Variants in KCNMB4 observed in about 807,000 individuals in gnomAD.
KCNMB4 encodes calcium-activated potassium channel subunit beta-4.
In KCNMB4, 3 loss-of-function variants were observed where a neutral mutation model predicts 20.7. The observed-to-expected ratio is 0.14, with a 90% CI of 0.07 to 0.37. The LOEUF (loss-of-function observed/expected upper bound fraction) is 0.37, where lower values mean the gene tolerates loss of function less well. Ranked by LOEUF, KCNMB4 falls within the 10% of genes least tolerant of loss-of-function variation. The probability of loss-of-function intolerance (pLI) is 1.00; values close to 1 mark genes in which losing one functional copy is unlikely to be tolerated. For synonymous variants in KCNMB4, 110 were observed against 113.4 expected, an observed-to-expected ratio of 0.97 and a Z score of 0.19; for missense variants, 168 against 265.9, an observed-to-expected ratio of 0.63 and a Z score of 2.56.
intron 2 of KCNMB4, among the ~76,000 whole-genome samples, chr12:70,422,386 T>C (rs866576530): frequency 6.6e-6 from 1 of 152,230 alleles, no homozygotes; most frequent in Non-Finnish European, 1.5e-5. Flanking sequence ...CCTGCACTTC[T>C]GATGAAATCA....
At chr12:70,382,411 C>T (rs1243083945) in intron 1 of KCNMB4, among the ~76,000 whole-genome samples, 4 of 116,468 alleles carry the variant, frequency 3.4e-5, no homozygotes, top group South Asian at 2.7e-4. Flanking sequence ...CCCGCCTGGG[C>T]GACAGAACGA....
At chr12:70,418,438 T>G (rs1007245493) in intron 2 of KCNMB4, among the ~76,000 whole-genome samples, 3 of 152,210 alleles carry the variant, frequency 2.0e-5, no homozygotes, top group Non-Finnish European at 4.4e-5. Flanking sequence ...GTCACTATGC[T>G]TGGTGTAGCC....
chr12:70,382,004 T>C (rs951817083), intron 1 of KCNMB4, among the ~76,000 whole-genome samples: 2 of 152,224 alleles, frequency 1.3e-5, no homozygotes, highest in African/African-American at 4.8e-5. Flanking sequence ...CTGCCTATTA[T>C]TTTTTGGAAA....
intron 1 of KCNMB4, among the ~76,000 whole-genome samples, chr12:70,383,593 T>C (rs150010638): frequency 0.011 from 1,619 of 152,282 alleles, 25 homozygotes; most frequent in South Asian, 0.049. Flanking sequence ...ATCAAACAGG[T>C]CCATGCTCCC....
At chr12:70,427,643 C>T (rs1388213460) in intron 2 of KCNMB4, among the ~76,000 whole-genome samples, 1 of 152,114 alleles carries the variant, frequency 6.6e-6, no homozygotes, top group Non-Finnish European at 1.5e-5. Flanking sequence ...GGTGGAATGC[C>T]AAGAAGTTTC....
intron 2 of KCNMB4, among the ~76,000 whole-genome samples, chr12:70,413,742 G>GT (rs1868844173): frequency 6.6e-6 from 1 of 152,156 alleles, no homozygotes; most frequent in Non-Finnish European, 1.5e-5. Flanking sequence ...AACGACTCTT[G>GT]TGACAGTGGA....
intron 2 of KCNMB4, among the ~76,000 whole-genome samples, chr12:70,415,468 G>A (rs1868890544): frequency 6.6e-6 from 1 of 152,198 alleles, no homozygotes; most frequent in Admixed American, 6.5e-5. Context: ...ACATCAGCCA[G>A]GATTCTAGTC....
At chr12:70,368,423 A>T (rs906264514) in intron 1 of KCNMB4, among the ~76,000 whole-genome samples, 6 of 152,092 alleles carry the variant, frequency 3.9e-5, no homozygotes, top group African/African-American at 1.4e-4. Flanking sequence ...GATTTACCTT[A>T]AAAAATATCA....
At chr12:70,370,453 G>A (rs1273233878) in intron 1 of KCNMB4, among the ~76,000 whole-genome samples, 6 of 151,506 alleles carry the variant, frequency 4.0e-5, no homozygotes, top group South Asian at 2.1e-4. Context: ...GACTACAGGC[G>A]CCCACCACCA....
chr12:70,378,680 T>G (rs1068764), intron 1 of KCNMB4, among the ~76,000 whole-genome samples: 86,561 of 151,724 alleles, frequency 0.57, 26,026 homozygotes, highest in African/African-American at 0.77. Context: ...GGGACTACAG[T>G]TGCACGCCAC....
At chr12:70,388,162 C>G (rs181176991) in intron 1 of KCNMB4, among the ~76,000 whole-genome samples, 5 of 152,186 alleles carry the variant, frequency 3.3e-5, no homozygotes, top group Non-Finnish European at 5.9e-5. Context: ...GGATCTCATT[C>G]TTTTTTATAG....
chr12:70,407,714 G>A (rs576434598), intron 2 of KCNMB4, among the ~76,000 whole-genome samples: 30 of 151,894 alleles, frequency 2.0e-4, no homozygotes, highest in Middle Eastern at 3.4e-3. Flanking sequence ...TGATCCGCCC[G>A]CCTCAGCCTC....
intron 2 of KCNMB4, among the ~76,000 whole-genome samples, chr12:70,409,170 G>C (rs1868697820): frequency 6.6e-6 from 1 of 152,148 alleles, no homozygotes; most frequent in Non-Finnish European, 1.5e-5. Flanking sequence ...GTAGGTCACA[G>C]AGTACACGGA....
intron 2 of KCNMB4, among the ~76,000 whole-genome samples, chr12:70,424,638 T>C (rs1443403528): frequency 6.7e-6 from 1 of 148,274 alleles, no homozygotes; most frequent in African/African-American, 2.5e-5. Context: ...TAATCCCAGC[T>C]ACTCAGGAGG....
Position 70,433,701 on chromosome 12 carries a change from T to A in KCNMB4, c.*3048T>A, listed in dbSNP as rs1480877230. On this transcript the variant is annotated 3_prime_UTR_variant, in exon 3 of 3. Coordinates refer to ENST00000258111, the MANE Select transcript of KCNMB4 (RefSeq NM_014505.6). ...CAGCCAATGGCCCATGCCGTGATAA[T>A]CTGCTGAGCAGGCATGATGGAGATC... 2 of 152,248 alleles carry A rather than the reference T, an allele frequency of 1.3e-5. No individual in the cohort carries two copies. Among genetic ancestry groups the A allele is most frequent in the Non-Finnish European group, 2.9e-5 (2 of 68,048 alleles). 9.4% of individuals were successfully genotyped at this position (152,248 alleles called of 1,614,324 possible).
At chr12:70,421,356 A>G (rs1869048174) in intron 2 of KCNMB4, among the ~76,000 whole-genome samples, 1 of 141,978 alleles carries the variant, frequency 7.0e-6, no homozygotes, top group Admixed American at 7.1e-5. Flanking sequence ...GCTGAGCGTG[A>G]TGGTGGGCAC....
intron 2 of KCNMB4, among the ~76,000 whole-genome samples, chr12:70,408,578 G>T (rs1868679343): frequency 6.6e-6 from 1 of 152,182 alleles, no homozygotes; most frequent in East Asian, 1.9e-4. Flanking sequence ...CCCCGAAGCA[G>T]CTGTGCCTGC....
chr12:70,407,498 C>T (rs1191087242), intron 2 of KCNMB4, among the ~76,000 whole-genome samples: 1 of 108,384 alleles, frequency 9.2e-6, no homozygotes, highest in Non-Finnish European at 1.7e-5. Flanking sequence ...GATGGAGTCT[C>T]ACTCTGTCGC....
At chr12:70,378,975 T>A (rs1883737179) in intron 1 of KCNMB4, among the ~76,000 whole-genome samples, 1 of 152,230 alleles carries the variant, frequency 6.6e-6, no homozygotes, top group East Asian at 1.9e-4. Context: ...TCTTGGGTGA[T>A]GAGGTACACT....
Sources: allele counts gnomAD v4.1 joint callset (sites outside exome capture counted in the v4.1 genomes callset), GRCh38; gene constraint gnomAD v4.1.1; transcripts MANE v1.5; gene names NCBI Gene and HGNC (gene_info 2026-07-23, HGNC 2026-07-21).